Variants in PHRF1 observed in about 807,000 individuals in gnomAD.
PHRF1 encodes the protein PHD and ring finger domains 1.
PHRF1 carries 53 observed loss-of-function variants against 128.9 expected under a neutral mutation model. That is an observed-to-expected ratio of 0.41 (90% confidence interval 0.33 to 0.52). The LOEUF is 0.52. Among genes scored for constraint, PHRF1 ranks in the 20% least tolerant of loss-of-function variants. The pLI is 0.21. For missense variants in PHRF1, 2,503 were observed against 2,284.5 expected (o/e 1.10, Z -1.95); for synonymous variants, 1,178 against 980.6 (o/e 1.20, Z -3.76).
intron 6 of PHRF1, among the ~76,000 whole-genome samples, chr11:593,984 T>C (rs1179783240): frequency 2.6e-5 from 4 of 152,202 alleles, no homozygotes; most frequent in Admixed American, 2.0e-4. Context: ...AGTTGGTTGC[T>C]GTGAGTCTGA....
chr11:608,979 C>T lies in PHRF1; in HGVS notation c.3523C>T (p.His1175Tyr), dbSNP rs1490401893. ...AAGCTCGGAGCACAGGGCACGGGAG[C>T]ACAGGCGGCCTCGGTCCCGTGAGAA... ...SPSSEHRARE[H>Y]RRPRSREKWP... Residue 1175 changes from histidine to tyrosine, a missense_variant, in exon 14 of 18, where the codon CAC becomes TAC. By Grantham distance (83) the His-to-Tyr change is moderately conservative. Transcript: ENST00000264555. The T allele has an allele frequency of 2.5e-6, 4 of 1,608,390 alleles. No homozygotes were observed. Among genetic ancestry groups the T allele is most frequent in the Non-Finnish European group, 3.4e-6 (4 of 1,178,308 alleles).
intron 3 of PHRF1, among the ~76,000 whole-genome samples, chr11:583,425 G>A (rs1033061633): frequency 1.3e-5 from 2 of 151,750 alleles, no homozygotes; most frequent in Non-Finnish European, 2.9e-5. Context: ...GCTGAGGTTG[G>A]AGGATCGCTT....
intron 1 of PHRF1, among the ~76,000 whole-genome samples, chr11:578,846 C>A (rs1247562627): frequency 6.6e-6 from 1 of 152,072 alleles, no homozygotes; most frequent in South Asian, 2.1e-4. Context: ...CCACCACGCC[C>A]GGCTGATTCA....
At chr11:596,894 G>A (rs1415705751) in intron 6 of PHRF1, 29 bp from the exon 7 acceptor site, 15 of 1,595,936 alleles carry the variant, frequency 9.4e-6, no homozygotes, top group Non-Finnish European at 1.1e-5. Context: ...AGCAGCACCC[G>A]GATGCTTTGG....
At position 581,973 on chromosome 11, in the gene PHRF1, G is replaced by C. The variant is rs375871425; in HGVS notation, c.106G>C (p.Val36Leu). Reference sequence around the variant, plus strand: ...ACCCTGGTGTCTAGAAGAAAGCAGCGTGGGCAGCAGTGGGGACTCTGGGGA... The same window carrying C: ...ACCCTGGTGTCTAGAAGAAAGCAGCCTGGGCAGCAGTGGGGACTCTGGGGA... ...DPAGDFEESS[V>L]GSSGDSGDDS... The change falls in exon 3 of 18, where the codon GTG becomes CTG. Residue 36 changes from valine to leucine, a missense_variant. By Grantham distance (32) the Val-to-Leu change is conservative. Coordinates refer to ENST00000264555, the MANE Select transcript of PHRF1 (RefSeq NM_001286581.2). 2.2e-5 allele frequency: 36 copies of C among 1,601,344 alleles called. 1 individual carries two copies. The Admixed American group carries it at 5.0e-4, about 22-fold the overall frequency.
chr11:601,783 G>A (rs777645509), intron 10 of PHRF1, 82 bp downstream of exon 10: 11 of 1,560,074 alleles, frequency 7.1e-6, no homozygotes, highest in East Asian at 6.9e-5. Context: ...TAAGCCTCCC[G>A]CTGGCCTTGG....
chr11:610,386 T>A (rs1187319087), intron 15 of PHRF1, 39 bp downstream of exon 15: 30 of 1,538,044 alleles, frequency 2.0e-5, no homozygotes, highest in Non-Finnish European at 2.6e-5. Context: ...CCGTGGGCAG[T>A]GGCCTGGCAC....
rs763075200 is a variant in PHRF1 at position 608,155 on chromosome 11, C to G, written c.2699C>G (p.Ser900Cys). ...TEPEPPLGPSSAMSKLRGAVA... is the reference protein window; with the variant it reads ...TEPEPPLGPSCAMSKLRGAVA... ...CCCGAACCCCCTCTCGGACCGTCCT[C>G]CGCCATGTCCAAGCTCCGGGGTGCA... is the stretch of plus-strand genomic sequence containing the variant. The change falls in exon 14 of 18, where the codon TCC becomes TGC. Residue 900 changes from serine (S) to cysteine (C), a missense_variant. Coordinates refer to ENST00000264555, the MANE Select transcript of PHRF1 (RefSeq NM_001286581.2). The G allele has an allele frequency of 1.9e-6, 3 of 1,611,122 alleles. No individual in the cohort carries two copies. The highest frequency in any genetic ancestry group is 2.2e-5 in the South Asian group (2 of 91,080).
intron 4 of PHRF1, among the ~76,000 whole-genome samples, chr11:587,688 C>T (rs898162027): frequency 1.3e-5 from 2 of 152,074 alleles, no homozygotes; most frequent in Non-Finnish European, 2.9e-5. Context: ...TGGTCAGGGG[C>T]AGGAGAGAGG....
At chr11:588,128 C>G (rs772845343) in intron 4 of PHRF1, among the ~76,000 whole-genome samples, 4 of 152,166 alleles carry the variant, frequency 2.6e-5, no homozygotes, top group Non-Finnish European at 4.4e-5. Context: ...CACCAGCAGC[C>G]CGTGCTGTCC....
At chr11:594,136 T>C (rs1368670309) in intron 6 of PHRF1, among the ~76,000 whole-genome samples, 1 of 152,168 alleles carries the variant, frequency 6.6e-6, no homozygotes. Context: ...GAGGGGTGGC[T>C]CAGCACTCCA....
chr11:586,902 G>A (rs1021422663), intron 3 of PHRF1, among the ~76,000 whole-genome samples: 1 of 152,164 alleles, frequency 6.6e-6, no homozygotes, highest in East Asian at 1.9e-4. Flanking sequence ...TCGCTTGGAG[G>A]CTCTGAAATG....
intron 1 of PHRF1, among the ~76,000 whole-genome samples, chr11:580,558 G>T (rs982114666): frequency 3.9e-5 from 6 of 152,366 alleles, no homozygotes; most frequent in Admixed American, 1.3e-4. Flanking sequence ...CATCCCAACA[G>T]TGGCCAGCCT....
chr11:610,947 C>G lies in PHRF1; in HGVS notation c.4678-7C>G. 3 of 1,612,760 alleles carry G rather than the reference C, an allele frequency of 1.9e-6. No homozygotes were observed. Among genetic ancestry groups the G allele is most frequent in the Non-Finnish European group, 2.5e-6 (3 of 1,179,592 alleles). On this transcript the variant is annotated splice_region_variant and splice_polypyrimidine_tract_variant and intron_variant, in intron 16 of 17. Transcript: ENST00000264555. ...TCCTGGCCGCATCACACACATGTCC[C>G]CTCTAGTACATGAAGAAGCTGCACA...
chr11:590,521 G>A (rs2132932430), intron 4 of PHRF1, among the ~76,000 whole-genome samples: 1 of 152,294 alleles, frequency 6.6e-6, no homozygotes, highest in Middle Eastern at 3.4e-3. Context: ...CCGAAGACCA[G>A]GGTGGGTACT....
At chr11:595,724 C>T (rs1855238000) in intron 6 of PHRF1, among the ~76,000 whole-genome samples, 1 of 152,248 alleles carries the variant, frequency 6.6e-6, no homozygotes, top group Non-Finnish European at 1.5e-5. Context: ...GAGCCGCAGC[C>T]TCCTCCAAGG....
intron 5 of PHRF1, 103 bp downstream of exon 5, chr11:591,570 T>C: frequency 1.0e-6 from 1 of 968,954 alleles, no homozygotes; most frequent in East Asian, 3.0e-5. Context: ...GAAATGAGGG[T>C]TGGTTAAATG....
intron 3 of PHRF1, among the ~76,000 whole-genome samples, chr11:585,160 A>G (rs1854457352): frequency 1.3e-5 from 2 of 152,126 alleles, no homozygotes; most frequent in South Asian, 2.1e-4. Context: ...TTTCGTTCTC[A>G]TTGCTTTTCC....
chr11:585,102 G>C (rs945367913), intron 3 of PHRF1, among the ~76,000 whole-genome samples: 1 of 152,188 alleles, frequency 6.6e-6, no homozygotes, highest in Non-Finnish European at 1.5e-5. Context: ...ACATGTTGAG[G>C]AGGGAGTTAT....
Sources: allele counts gnomAD v4.1 joint callset (sites outside exome capture counted in the v4.1 genomes callset), GRCh38; gene constraint gnomAD v4.1.1; transcripts MANE v1.5; gene names NCBI Gene and HGNC (gene_info 2026-07-23, HGNC 2026-07-21).